The following ERI2 variants were observed in gnomAD, a reference collection of about 807,000 sequenced individuals.
ERI2 encodes the protein ERI1 exoribonuclease 2.
In ERI2, 35 loss-of-function variants were observed where a neutral mutation model predicts 46.8. That is an observed-to-expected ratio of 0.75 (90% CI 0.57 to 0.99). The LOEUF (loss-of-function observed/expected upper bound fraction) is 0.99, where lower values mean the gene tolerates loss of function less well. ERI2 is among the 50% of genes least tolerant of loss of function. The pLI is 0.00. For synonymous variants in ERI2, 224 were observed against 271.0 expected (o/e 0.83, Z 1.70); for missense variants, 695 against 796.2 (o/e 0.87, Z 1.53).
chr16:20,785,248 AGAACC>A, intron 10 of ERI2: 1 of 1,200,356 alleles, frequency 8.3e-7, no homozygotes, highest in Non-Finnish European at 1.2e-6. Context: ...AATGCTTGCA[AGAACC>A]TAATTGCAAA....
chr16:20,804,626 A>G (rs1213285419), intron 1 of ERI2, among the ~76,000 whole-genome samples: 1 of 152,186 alleles, frequency 6.6e-6, no homozygotes, highest in African/African-American at 2.4e-5. Flanking sequence ...AGATCATGCC[A>G]CTGCACTCCA....
chr16:20,804,300 A>C (rs1327781368), intron 1 of ERI2, among the ~76,000 whole-genome samples: 1 of 152,170 alleles, frequency 6.6e-6, no homozygotes, highest in Non-Finnish European at 1.5e-5. Context: ...CTATGTGTAC[A>C]GTGCAGTTTT....
At chr16:20,781,710 A>G (rs2080356646) in intron 10 of ERI2, 9 of 1,611,448 alleles carry the variant, frequency 5.6e-6, no homozygotes, top group African/African-American at 1.3e-5. Flanking sequence ...AATTGCAGAC[A>G]CTCTCCAAGT....
At chr16:20,784,906 G>GT in intron 10 of ERI2, 1 of 1,497,304 alleles carries the variant, frequency 6.7e-7, no homozygotes, top group Non-Finnish European at 9.0e-7. Context: ...TTATATTGAA[G>GT]TTCATAAGAA....
intron 10 of ERI2, chr16:20,785,242 C>T: frequency 1.6e-6 from 2 of 1,247,996 alleles, no homozygotes; most frequent in Non-Finnish European, 2.2e-6. Flanking sequence ...AAAAACAATG[C>T]TTGCAAGAAC....
intron 1 of ERI2, among the ~76,000 whole-genome samples, chr16:20,804,525 G>A (rs749943583): frequency 2.8e-4 from 42 of 152,142 alleles, no homozygotes; most frequent in Non-Finnish European, 5.7e-4. Context: ...CCTAGCTGGG[G>A]CGTGATGGTG....
At chr16:20,792,216 C>A (rs1352114573), downstream of ERI2, 2 of 1,613,968 alleles carry the variant, frequency 1.2e-6, no homozygotes, top group Admixed American at 1.7e-5. Flanking sequence ...TGTATGTATT[C>A]CTGCCATATG....
intron 8 of ERI2, chr16:20,791,052 G>A: frequency 3.1e-6 from 3 of 973,866 alleles, no homozygotes; most frequent in Admixed American, 2.6e-5. Context: ...AGGGACAGGG[G>A]ATGCGGGGGT....
At chr16:20,796,175 G>C, downstream of ERI2, 1 of 876,782 alleles carries the variant, frequency 1.1e-6, no homozygotes. Flanking sequence ...TTGTTACAGG[G>C]GTCCCAGAAG....
At chr16:20,803,265 C>T (rs1441835611) in intron 3 of ERI2, among the ~76,000 whole-genome samples, 168 bp downstream of exon 3, 1 of 152,036 alleles carries the variant, frequency 6.6e-6, no homozygotes, top group East Asian at 1.9e-4. Flanking sequence ...TATATAATAA[C>T]ACATTTAGGT....
chr16:20,802,986 T>A, intron 3 of ERI2, 63 bp from the exon 4 acceptor site: 1 of 1,447,688 alleles, frequency 6.9e-7, no homozygotes, highest in Non-Finnish European at 9.3e-7. Context: ...CCTGTAATCA[T>A]CCTAAATTAA....
intron 10 of ERI2, among the ~76,000 whole-genome samples, chr16:20,782,219 C>G (rs897110727): frequency 4.6e-5 from 7 of 152,060 alleles, no homozygotes; most frequent in Admixed American, 3.9e-4. Flanking sequence ...CCCCGTTTCT[C>G]TTTGTTTTGT....
chr16:20,800,567 T>A (rs750332895), intron 5 of ERI2, 165 bp from the exon 6 acceptor site: 6 of 418,526 alleles, frequency 1.4e-5, no homozygotes, highest in Non-Finnish European at 2.6e-5. Context: ...TAACTTACTA[T>A]TAACAAGTTA....
At chr16:20,789,638 A>G in intron 9 of ERI2, 1 of 1,001,440 alleles carries the variant, frequency 1.0e-6, no homozygotes, top group Non-Finnish European at 1.6e-6. Context: ...GCTAAATGAT[A>G]AAAGCAGGTT....
downstream of ERI2, among the ~76,000 whole-genome samples, chr16:20,793,841 C>A (rs903823139): frequency 2.0e-5 from 3 of 152,162 alleles, no homozygotes; most frequent in African/African-American, 7.2e-5. Flanking sequence ...ATCAGTTTTA[C>A]CCACCTAGAC....
downstream of ERI2, chr16:20,796,248 CTT>C: frequency 1.4e-6 from 2 of 1,455,334 alleles, no homozygotes; most frequent in East Asian, 2.4e-5. Context: ...TGGGATCAAA[CTT>C]TATTAAAACA....
chr16:20,787,906 C>T (rs2080509050), intron 10 of ERI2, among the ~76,000 whole-genome samples: 1 of 152,108 alleles, frequency 6.6e-6, no homozygotes, highest in Non-Finnish European at 1.5e-5. Context: ...AAGAACCACC[C>T]CCCGACAACC....
downstream of ERI2, chr16:20,792,002 G>A: frequency 1.2e-6 from 2 of 1,613,912 alleles, no homozygotes; most frequent in Non-Finnish European, 1.7e-6. Context: ...TGTTTTGCAG[G>A]ATAATCCTTC....
chr16:20,792,915 T>C (rs959962418), downstream of ERI2, among the ~76,000 whole-genome samples: 1 of 152,236 alleles, frequency 6.6e-6, no homozygotes, highest in African/African-American at 2.4e-5. Flanking sequence ...GGCAGCCTCC[T>C]GCGTTTTGCC....
Sources: allele counts gnomAD v4.1 joint callset (sites outside exome capture counted in the v4.1 genomes callset), GRCh38; gene constraint gnomAD v4.1.1; transcripts MANE v1.5; gene names NCBI Gene and HGNC (gene_info 2026-07-23, HGNC 2026-07-21).